Variants in GKAP1 observed in about 807,000 individuals in gnomAD.
The protein encoded by GKAP1 is G kinase anchoring protein 1.
Under a neutral mutation model 56.7 loss-of-function variants are expected in GKAP1, and 31 were observed. The observed-to-expected ratio is 0.55, with a 90% CI of 0.41 to 0.74. GKAP1 has a LOEUF of 0.74. GKAP1 is among the 30% of genes least tolerant of loss of function. GKAP1 has a pLI of 0.00. For synonymous variants in GKAP1, 151 were observed against 138.6 expected (o/e 1.09, Z -0.63); for missense variants, 364 against 402.3 (o/e 0.90, Z 0.82).
chr9:83,769,335 A>G (rs761763954), intron 7 of GKAP1, among the ~76,000 whole-genome samples: 10 of 152,172 alleles, frequency 6.6e-5, no homozygotes, highest in African/African-American at 9.7e-5. Context: ...AATCAACTAT[A>G]TAACAATTCC....
intron 4 of GKAP1, among the ~76,000 whole-genome samples, chr9:83,795,235 A>T (rs1386121605): frequency 1.3e-5 from 2 of 152,134 alleles, no homozygotes; most frequent in Non-Finnish European, 2.9e-5. Flanking sequence ...TTTTTTAAAA[A>T]CAGCTTTACT....
In GKAP1 at chr9:83,817,103, T is replaced by G. The variant is rs1257201844; in HGVS notation, c.-151A>C. The G allele has an allele frequency of 6.6e-6, 1 of 152,030 alleles. No individual in the cohort carries two copies. The allele number at this position is 152,030 out of a possible 1,614,324, so 9.4% of individuals were successfully genotyped here. Reference sequence around the variant, plus strand: ...GAAATTGCGCTGGGCGAAACCTAACTCGGGCAGAGAAGCGGCTTCAAAACC... The same window carrying G: ...GAAATTGCGCTGGGCGAAACCTAACGCGGGCAGAGAAGCGGCTTCAAAACC... On this transcript the variant is annotated 5_prime_UTR_variant, in exon 2 of 13. Transcript: ENST00000376371.
chr9:83,803,477 GCTCC>G (rs2131317706), intron 3 of GKAP1, among the ~76,000 whole-genome samples: 1 of 152,348 alleles, frequency 6.6e-6, no homozygotes, highest in Admixed American at 6.5e-5. Flanking sequence ...CTGGTCTCCA[GCTCC>G]TAGCCGCGAG....
rs1369139325 is a variant in GKAP1, at chr9:83,768,836, T to C, written c.720A>G (p.Thr240=). 3.1e-6 allele frequency: 5 copies of C among 1,612,038 alleles called. No individual in the cohort carries two copies. Among genetic ancestry groups the C allele is most frequent in the African/African-American group, 1.3e-5 (1 of 74,874 alleles). The change falls in exon 8 of 13, where the codon ACA becomes ACG. Residue 240 remains threonine (T), a synonymous_variant. Coordinates refer to ENST00000376371, the MANE Select transcript of GKAP1 (RefSeq NM_025211.4). ...TACATGCCTGGTTGTGTTCATGAGC[T>C]GTACAATTATCTGTTCCATTATATT... ...LTEYNGTDNC[T]AHEHNQEVVL...
intron 2 of GKAP1, among the ~76,000 whole-genome samples, chr9:83,811,169 T>C (rs2131328825): frequency 6.6e-6 from 1 of 152,362 alleles, no homozygotes; most frequent in South Asian, 2.1e-4. Context: ...CATAGGAGAA[T>C]TGGTACAAAC....
chr9:83,777,778 G>T (rs548606474), intron 7 of GKAP1, among the ~76,000 whole-genome samples: 1 of 152,060 alleles, frequency 6.6e-6, no homozygotes, highest in African/African-American at 2.4e-5. Context: ...TTCAGCATAC[G>T]ACGTTAACAA....
At chr9:83,814,944 C>T (rs139437479) in intron 2 of GKAP1, among the ~76,000 whole-genome samples, 15,469 of 152,152 alleles carry the variant, frequency 0.1, 1,007 homozygotes, top group Non-Finnish European at 0.14. Flanking sequence ...GAGGCCAAGG[C>T]GGGTGGATCA....
At chr9:83,790,503 G>A (rs1944136376) in intron 4 of GKAP1, among the ~76,000 whole-genome samples, 1 of 151,996 alleles carries the variant, frequency 6.6e-6, no homozygotes. Context: ...ACAAAACTAG[G>A]CCGGCACAGT....
At chr9:83,777,535 G>C (rs1243786452) in intron 7 of GKAP1, among the ~76,000 whole-genome samples, 1 of 152,086 alleles carries the variant, frequency 6.6e-6, no homozygotes, top group African/African-American at 2.4e-5. Context: ...ATTAACCTGA[G>C]AACAAGTTTA....
At chr9:83,750,118 C>CT (rs1461609322) in intron 9 of GKAP1, among the ~76,000 whole-genome samples, 1 of 151,558 alleles carries the variant, frequency 6.6e-6, no homozygotes, top group Non-Finnish European at 1.5e-5. Context: ...ACCTCTTATT[C>CT]AAGGTTTACG....
intron 5 of GKAP1, among the ~76,000 whole-genome samples, chr9:83,787,507 C>T (rs1444325204): frequency 1.3e-5 from 2 of 152,172 alleles, no homozygotes; most frequent in Non-Finnish European, 2.9e-5. Context: ...TGAGTAGCTG[C>T]TGTGAATTTT....
chr9:83,812,268 C>T, intron 2 of GKAP1, among the ~76,000 whole-genome samples: 1 of 146,500 alleles, frequency 6.8e-6, no homozygotes, highest in Non-Finnish European at 1.5e-5. Flanking sequence ...CGTATATATA[C>T]ACATATATAT....
chr9:83,793,444 T>C (rs1944195687), intron 4 of GKAP1, among the ~76,000 whole-genome samples: 1 of 152,216 alleles, frequency 6.6e-6, no homozygotes, highest in Non-Finnish European at 1.5e-5. Flanking sequence ...TTGAACATAA[T>C]TATTCTAAAG....
In GKAP1 at chr9:83,805,752, C is replaced by G. The variant is rs968857819; in HGVS notation, c.216+550G>C. Among the ~76,000 whole-genome samples, 3 of 152,260 alleles carry G rather than the reference C, an allele frequency of 2.0e-5. 1 individual carries two copies. In the South Asian group the frequency reaches 6.2e-4, roughly 32 times the overall value. On this transcript the variant is annotated intron_variant, in intron 3 of 12. Transcript: ENST00000376371. ...GGTTATATCTATAAATGACCTGTTT[C>G]CTTTTAAGACTTTCCTATTTTAAAC...
At chr9:83,805,161 G>A (rs1430273430) in intron 3 of GKAP1, among the ~76,000 whole-genome samples, 1 of 152,212 alleles carries the variant, frequency 6.6e-6, no homozygotes, top group Non-Finnish European at 1.5e-5. Flanking sequence ...GTTGATCGGT[G>A]ACCTTACCCC....
intron 3 of GKAP1, among the ~76,000 whole-genome samples, chr9:83,803,406 C>T (rs1452362063): frequency 6.6e-6 from 1 of 152,194 alleles, no homozygotes; most frequent in Non-Finnish European, 1.5e-5. Context: ...GCGTGTGCCA[C>T]CACGCCTGAC....
intron 2 of GKAP1, among the ~76,000 whole-genome samples, chr9:83,815,791 C>T (rs1425762233): frequency 6.6e-6 from 1 of 151,984 alleles, no homozygotes; most frequent in East Asian, 1.9e-4. Context: ...GAAATGGCAC[C>T]AAGTATCACT....
At chr9:83,750,374 C>T (rs1587690583) in intron 9 of GKAP1, among the ~76,000 whole-genome samples, 2 of 152,268 alleles carry the variant, frequency 1.3e-5, no homozygotes, top group African/African-American at 4.8e-5. Context: ...AAAAAAGTAG[C>T]CATTTAAAAC....
chr9:83,770,420 C>T (rs1172524016), intron 7 of GKAP1, among the ~76,000 whole-genome samples: 1 of 152,200 alleles, frequency 6.6e-6, no homozygotes, highest in African/African-American at 2.4e-5. Context: ...GCCCTTTTAA[C>T]TGCGTTGGGA....
Sources: gnomAD v4.1 joint callset for allele counts (sites outside exome capture counted in the v4.1 genomes callset) on GRCh38, gnomAD v4.1.1 for gene constraint, MANE v1.5 for transcripts, NCBI Gene and HGNC (gene_info 2026-07-23, HGNC 2026-07-21) for gene names.